Variants in IRF2 observed in about 807,000 individuals in gnomAD.
IRF2 encodes the protein interferon regulatory factor 2.
Under a neutral mutation model 40.6 loss-of-function variants are expected in IRF2, and 15 were observed. The observed-to-expected ratio is 0.37, with a 90% CI of 0.25 to 0.57. The LOEUF (loss-of-function observed/expected upper bound fraction) is 0.57. Ranked by LOEUF, IRF2 falls within the 20% of genes least tolerant of loss-of-function variation. The probability of loss-of-function intolerance (pLI) is 0.77; values close to 1 mark genes in which losing one functional copy is unlikely to be tolerated. For missense variants in IRF2, 317 were observed against 455.7 expected, an observed-to-expected ratio of 0.70 and a Z score of 2.77; for synonymous variants, 151 against 165.5, an observed-to-expected ratio of 0.91 and a Z score of 0.67.
At chr4:184,396,149 T>C (rs1736447162) in intron 7 of IRF2, among the ~76,000 whole-genome samples, 2 of 152,250 alleles carry the variant, frequency 1.3e-5, no homozygotes, top group African/African-American at 4.8e-5. Context: ...GCAAAGTGGC[T>C]GAGTGTTTCA....
intron 5 of IRF2, among the ~76,000 whole-genome samples, chr4:184,416,333 A>AAAAAAAAAAAAAC (rs1737271855): frequency 6.8e-6 from 1 of 146,900 alleles, no homozygotes; most frequent in Non-Finnish European, 1.5e-5. Context: ...AAAAACAAAA[A>AAAAAAAAAAAAAC]AAAAAAAAAA....
chr4:184,433,375 C>G (rs1410743093), intron 1 of IRF2, among the ~76,000 whole-genome samples: 2 of 152,114 alleles, frequency 1.3e-5, no homozygotes, highest in South Asian at 4.1e-4. Flanking sequence ...ATGCTCCTGC[C>G]GTGTGGTCAT....
rs141952270 is a variant in IRF2 at position 184,448,326 on chromosome 4, TG to T, written c.-6-19257del. 4.1e-3 allele frequency among the ~76,000 whole-genome samples: 617 copies of T among 152,300 alleles called. 2 individuals carry two copies. The highest frequency in any genetic ancestry group is 0.014 in the African/African-American group (597 of 41,554). ...CACCAGGATGGTATTAATAAGCACA[TG>T]CATCAATCACTTTATCTATCCATCC... On this transcript the variant is annotated intron_variant, in intron 1 of 8. Coordinates refer to ENST00000393593, the MANE Select transcript of IRF2 (RefSeq NM_002199.4). The surrounding 1 kb of genome is among the most constrained non-coding windows in gnomAD (Gnocchi z 4.3).
chr4:184,465,544 A>G (rs1034651027), intron 1 of IRF2, among the ~76,000 whole-genome samples: 4 of 152,186 alleles, frequency 2.6e-5, no homozygotes, highest in Admixed American at 6.5e-5. Flanking sequence ...GTTTTCTTCC[A>G]GGTTTTTAAA....
intron 1 of IRF2, among the ~76,000 whole-genome samples, chr4:184,466,852 GTACTGCAGGTT>G (rs1394270163): frequency 1.3e-5 from 2 of 152,318 alleles, no homozygotes; most frequent in African/African-American, 4.8e-5. Context: ...CTGCAAACAT[GTACTGCAGGTT>G]ACTGTACTGA....
At chr4:184,428,274 A>C (rs1315906111) in intron 2 of IRF2, among the ~76,000 whole-genome samples, 1 of 152,214 alleles carries the variant, frequency 6.6e-6, no homozygotes, top group African/African-American at 2.4e-5. Context: ...AACATGGAAA[A>C]GGAAATGCTC....
intron 7 of IRF2, among the ~76,000 whole-genome samples, chr4:184,391,053 A>G (rs918581769): frequency 2.6e-5 from 4 of 152,228 alleles, no homozygotes; most frequent in African/African-American, 9.6e-5. Context: ...TCTGTCCACA[A>G]TGCCCACATG....
At chr4:184,425,901 A>G (rs1257248418) in intron 2 of IRF2, among the ~76,000 whole-genome samples, 2 of 152,228 alleles carry the variant, frequency 1.3e-5, no homozygotes, top group Non-Finnish European at 2.9e-5. Context: ...GGTGGCTCAC[A>G]GCAACAGAAA....
chr4:184,407,190 G>A, intron 6 of IRF2: 1 of 1,289,416 alleles, frequency 7.8e-7, no homozygotes, highest in Non-Finnish European at 1.0e-6. Flanking sequence ...TCGGCAAGAG[G>A]CCAGCGGAGG....
At chr4:184,416,077 G>A (rs892398033) in intron 5 of IRF2, among the ~76,000 whole-genome samples, 3 of 152,166 alleles carry the variant, frequency 2.0e-5, no homozygotes, top group East Asian at 3.8e-4. Context: ...TTGGGAAGCC[G>A]AGGCAAGAGG....
At chr4:184,445,216 G>A (rs111450965) in intron 1 of IRF2, among the ~76,000 whole-genome samples, 2,395 of 152,290 alleles carry the variant, frequency 0.016, 87 homozygotes, top group African/African-American at 0.054. Flanking sequence ...CCCCAACCCC[G>A]GGTTGGCACA....
intron 7 of IRF2, among the ~76,000 whole-genome samples, chr4:184,392,820 T>C (rs1234522778): frequency 2.0e-5 from 3 of 152,016 alleles, no homozygotes; most frequent in Non-Finnish European, 4.4e-5. Context: ...TCCAGTAACT[T>C]CACACAAACC....
chr4:184,409,089 G>A (rs1561092011), intron 5 of IRF2, among the ~76,000 whole-genome samples: 2 of 152,194 alleles, frequency 1.3e-5, no homozygotes, highest in Non-Finnish European at 2.9e-5. Flanking sequence ...CAGCTCTCAA[G>A]GTAAGTTTGC....
intron 7 of IRF2, among the ~76,000 whole-genome samples, chr4:184,394,613 GCTGCTGGT>G (rs1186919479): frequency 6.6e-6 from 1 of 152,148 alleles, no homozygotes; most frequent in Non-Finnish European, 1.5e-5. Flanking sequence ...TTTACTGATG[GCTGCTGGT>G]CAGCAGGCGA....
chr4:184,438,872 C>A (rs1283089959), intron 1 of IRF2, among the ~76,000 whole-genome samples: 1 of 152,140 alleles, frequency 6.6e-6, no homozygotes, highest in Non-Finnish European at 1.5e-5. Flanking sequence ...GGCCTGAGAC[C>A]TTCCTATGCG....
At chr4:184,417,455 C>G (rs1278924654) in intron 5 of IRF2, among the ~76,000 whole-genome samples, 1 of 152,232 alleles carries the variant, frequency 6.6e-6, no homozygotes, top group Non-Finnish European at 1.5e-5. Context: ...AGTGTATGCT[C>G]TCTGCTCAGC....
At chr4:184,450,133 G>A (rs1738664527) in intron 1 of IRF2, among the ~76,000 whole-genome samples, 2 of 152,182 alleles carry the variant, frequency 1.3e-5, no homozygotes, top group African/African-American at 2.4e-5. Context: ...AAAGTAATTA[G>A]GGCAGAACCC....
intron 1 of IRF2, among the ~76,000 whole-genome samples, chr4:184,459,151 A>AC (rs1739044905): frequency 6.6e-6 from 1 of 152,116 alleles, no homozygotes; most frequent in South Asian, 2.1e-4. Flanking sequence ...CCGCAATGAT[A>AC]AATTCACTAC....
chr4:184,415,864 A>G (rs1348396494), intron 5 of IRF2, among the ~76,000 whole-genome samples: 1 of 152,238 alleles, frequency 6.6e-6, no homozygotes, highest in Admixed American at 6.5e-5. Context: ...GTTATCAAAT[A>G]CGTATTAGTG....
Sources: allele counts gnomAD v4.1 joint callset (sites outside exome capture counted in the v4.1 genomes callset), GRCh38; gene constraint gnomAD v4.1.1; non-coding constraint Gnocchi (gnomAD v3.1); transcripts MANE v1.5; gene names NCBI Gene and HGNC (gene_info 2026-07-23, HGNC 2026-07-21).